Variants in CRMP1 observed in about 807,000 individuals in gnomAD.
The protein encoded by CRMP1 is collapsin response mediator protein 1, also known as dihydropyrimidinase-related protein 1.
CRMP1 carries 19 observed loss-of-function variants against 68.3 expected under a neutral mutation model. The ratio of observed to expected loss-of-function variants is 0.28; its 90% CI spans 0.19 to 0.41. The LOEUF is 0.41. CRMP1 is among the 10% of genes least tolerant of loss of function. The pLI, the probability that CRMP1 is intolerant of heterozygous loss-of-function variation, is 1.00. For synonymous variants in CRMP1, 439 were observed against 399.6 expected (o/e 1.10, Z -1.18); for missense variants, 791 against 967.4 (o/e 0.82, Z 2.42).
At position 5,836,078 on chromosome 4, in the gene CRMP1, C is replaced by A; in HGVS notation, c.1460G>T (p.Gly487Val). 6.6e-7 allele frequency: 1 copy of A among 1,517,262 alleles called. No individual in the cohort carries two copies. Among genetic ancestry groups the A allele is most frequent in the South Asian group, 1.4e-5 (1 of 72,090 alleles). The allele number at this position is 1,517,262 out of a possible 1,614,324, so 94.0% of individuals were successfully genotyped here. Residue 487 changes from glycine to valine, a missense_variant, in exon 11 of 14, where the codon GGC becomes GTC. Around this residue, in one of 3 missense-constraint regions of CRMP1, gnomAD observed 594 missense variants for 763.6 expected, o/e 0.78. Coordinates refer to ENST00000324989, the MANE Select transcript of CRMP1 (RefSeq NM_001014809.3). ...GACAAACTGGTTCTCATCCATTTTGCCAGTAGCCTACAGGCAAGACCCACA... is the reference window on the plus strand; with the variant it reads ...GACAAACTGGTTCTCATCCATTTTGACAGTAGCCTACAGGCAAGACCCACA... Reference protein sequence around the residue: ...TVVWDKAVATGKMDENQFVAV... With the variant: ...TVVWDKAVATVKMDENQFVAV...
chr4:5,867,769 T>C (rs1488309208), intron 1 of CRMP1, among the ~76,000 whole-genome samples: 1 of 152,146 alleles, frequency 6.6e-6, no homozygotes, highest in Non-Finnish European at 1.5e-5. Context: ...CTGCCAACCT[T>C]ATCTGGGGCA....
At position 5,854,657 on chromosome 4, in the gene CRMP1, T is replaced by C. The variant is rs975898052; in HGVS notation, c.820+1486A>G. The stretch of plus-strand genomic sequence containing the variant: ...GGAAAAATGTATGCAAAATGTTGAA[T>C]GTAATCAGTAAAGAACTGCCATGAA... On this transcript the variant is annotated intron_variant, in intron 4 of 13. Transcript: ENST00000324989. The surrounding 1 kb of genome is among the most constrained non-coding windows in gnomAD (Gnocchi z 4.0). Among the ~76,000 whole-genome samples the C allele has an allele frequency of 3.9e-5, 6 of 152,158 alleles. No individual in the cohort carries two copies. The highest frequency in any genetic ancestry group is 1.4e-4 in the African/African-American group (6 of 41,420).
Position 5,833,893 on chromosome 4 carries a change from A to G in CRMP1, c.1623+2022T>C, listed in dbSNP as rs372875219. Among the ~76,000 whole-genome samples, 10 of 152,222 alleles carry G rather than the reference A, an allele frequency of 6.6e-5. No individual in the cohort carries two copies. The East Asian group carries it at 1.4e-3, about 21-fold the overall frequency. ...CCTGTCTCTACTAAAAATACAAAAC[A>G]AAATTAGCCGGGCGTGGTGGCAGGC... On this transcript the variant is annotated intron_variant, in intron 11 of 13. Transcript: ENST00000324989.
In CRMP1 at chr4:5,825,534, TG is replaced by T; in HGVS notation, c.1928del (p.Pro643HisfsTer18). On this transcript the variant is annotated frameshift_variant, in exon 13 of 14. Transcript: ENST00000324989. LOFTEE classifies it high-confidence loss of function. This position sits in a 1 kb window ranked among gnomAD's most constrained non-coding sequence, Gnocchi z 4.4. ...AKSSPSKHQP[P>X]PIRNLHQSNF... ...TGGACTGGTGGAGGTTTCTGATGGG[TG>T]GGGGCTGGTGTTTAGAAGGCGAAGA... is the stretch of plus-strand genomic sequence containing the variant. The T allele has an allele frequency of 6.3e-7, 1 of 1,586,940 alleles. No homozygotes were observed. Among genetic ancestry groups the T allele is most frequent in the Non-Finnish European group, 8.5e-7 (1 of 1,170,730 alleles).
At position 5,821,943 on chromosome 4, in the gene CRMP1, C is replaced by CCTTAGCAGAAG; in HGVS notation, c.1970-93_1970-92insCTTCTGCTAAG. ...GCCATGTACTCTGCCATGCACTCCA[C>CCTTAGCAGAAG]TGGACCCACCTTCATTCAGGGCTCA... On this transcript the variant is annotated intron_variant, in intron 13 of 13. Coordinates refer to ENST00000324989, the MANE Select transcript of CRMP1 (RefSeq NM_001014809.3). This position sits in a 1 kb window ranked among gnomAD's most constrained non-coding sequence, Gnocchi z 4.4. 1.6e-4 allele frequency: 182 copies of CCTTAGCAGAAG among 1,141,442 alleles called. No individual in the cohort carries two copies. The highest frequency in any genetic ancestry group is 2.0e-4 in the Middle Eastern group (1 of 5,044). The allele number at this position is 1,141,442 out of a possible 1,614,324, so 70.7% of individuals were successfully genotyped here.
Position 5,881,476 on chromosome 4 carries a change from T to A in CRMP1, c.381+11113A>T, listed in dbSNP as rs182039724. Among the ~76,000 whole-genome samples the A allele has an allele frequency of 6.6e-6, 1 of 152,330 alleles. No homozygotes were observed. Among genetic ancestry groups the A allele is most frequent in the East Asian group, 1.9e-4 (1 of 5,176 alleles). ...TGCAACCATCACCATGCCCTCCCAC[T>A]GCAGTGTGACTGTAGCTGTCTTACA... On this transcript the variant is annotated intron_variant, in intron 1 of 13. Coordinates refer to ENST00000324989, the MANE Select transcript of CRMP1 (RefSeq NM_001014809.3). This position sits in a 1 kb window ranked among gnomAD's most constrained non-coding sequence, Gnocchi z 4.6.
At chr4:5,840,121 A>C (rs915867189) in intron 8 of CRMP1, among the ~76,000 whole-genome samples, 1 of 152,160 alleles carries the variant, frequency 6.6e-6, no homozygotes, top group Non-Finnish European at 1.5e-5. Context: ...AAGTGACATA[A>C]GGCAGGGAAA....
intron 9 of CRMP1, among the ~76,000 whole-genome samples, chr4:5,837,808 G>A (rs924625112): frequency 6.6e-6 from 1 of 152,122 alleles, no homozygotes; most frequent in African/African-American, 2.4e-5. Context: ...ATGCAGAGGA[G>A]TATATTTAGA....
chr4:5,888,411 G>A lies in CRMP1; in HGVS notation c.381+4178C>T. The A allele has an allele frequency of 8.2e-7, 1 of 1,218,142 alleles. No homozygotes were observed. Among genetic ancestry groups the A allele is most frequent in the African/African-American group, 1.6e-5 (1 of 63,866 alleles). 75.5% of individuals were successfully genotyped at this position (1,218,142 alleles called of 1,614,324 possible). ...GGACGGAGGCTCGGCGCCCGTGGATGCCCACGCGCGGCTGCCCCGGCTGCT... is the reference window on the plus strand; with the variant it reads ...GGACGGAGGCTCGGCGCCCGTGGATACCCACGCGCGGCTGCCCCGGCTGCT... On this transcript the variant is annotated intron_variant, in intron 1 of 13. Coordinates refer to ENST00000324989, the MANE Select transcript of CRMP1 (RefSeq NM_001014809.3). The surrounding 1 kb of genome is among the most constrained non-coding windows in gnomAD (Gnocchi z 6.4).
intron 1 of CRMP1, among the ~76,000 whole-genome samples, chr4:5,876,616 T>G (rs972740038): frequency 6.6e-6 from 1 of 152,192 alleles, no homozygotes; most frequent in Non-Finnish European, 1.5e-5. Flanking sequence ...CTGCTTTCTT[T>G]TAGAACAAAG....
In CRMP1 at chr4:5,839,588, A is replaced by G. The variant is rs777612271; in HGVS notation, c.1244T>C (p.Phe415Ser). ...CGGGCTCAGGGGAGGGGAAGTCACG[A>G]ACGCCGCAGCCTTGGCCCAGTTCTT... ...WSKNWAKAAA[F>S]VTSPPLSPDP... Residue 415 changes from phenylalanine to serine, a missense_variant, in exon 9 of 14, where the codon TTC (phenylalanine) becomes TCC (serine). Coordinates refer to ENST00000324989, the MANE Select transcript of CRMP1 (RefSeq NM_001014809.3). The G allele has an allele frequency of 6.2e-7, 1 of 1,612,804 alleles. No homozygotes were observed. Among genetic ancestry groups the G allele is most frequent in the Non-Finnish European group, 8.5e-7 (1 of 1,179,444 alleles).
Position 5,893,048 on chromosome 4 carries a change from C to G in CRMP1, c.-79G>C. The G allele has an allele frequency of 1.0e-6, 1 of 958,366 alleles. No individual in the cohort carries two copies. The allele number at this position is 958,366 out of a possible 1,614,324, so 59.4% of individuals were successfully genotyped here. A position where few individuals can be genotyped will look rare whatever the true frequency, so the allele number is the denominator to read the frequency against. ...GGGCACCGCCGTGCGCCGCGCTCCG[C>G]GCCTCGGTGCGGGCCTGCGGCGGCC... On this transcript the variant is annotated 5_prime_UTR_variant, in exon 1 of 14. Coordinates refer to ENST00000324989, the MANE Select transcript of CRMP1 (RefSeq NM_001014809.3).
In CRMP1 at chr4:5,854,995, AAAAAG is replaced by A. The variant is rs1712941676; in HGVS notation, c.820+1143_820+1147del. Among the ~76,000 whole-genome samples the A allele has an allele frequency of 6.6e-6, 1 of 152,272 alleles. No homozygotes were observed. The highest frequency in any genetic ancestry group is 1.5e-5 in the Non-Finnish European group (1 of 68,048). On this transcript the variant is annotated intron_variant, in intron 4 of 13. Transcript: ENST00000324989. This position sits in a 1 kb window ranked among gnomAD's most constrained non-coding sequence, Gnocchi z 4.0. ...CGAATAGAAAGCATAAATGCCCAAT[AAAAAG>A]AAAATAGCTAAGCAAATTAACCATT... is the stretch of plus-strand genomic sequence containing the variant.
At position 5,888,216 on chromosome 4, in the gene CRMP1, G is replaced by A. The variant is rs1421372659; in HGVS notation, c.381+4373C>T. 1.1e-5 allele frequency: 14 copies of A among 1,265,714 alleles called. No homozygotes were observed. Among genetic ancestry groups the A allele is most frequent in the Non-Finnish European group, 1.4e-5 (14 of 1,000,842 alleles). The allele number at this position is 1,265,714 out of a possible 1,614,324, so 78.4% of individuals were successfully genotyped here. On this transcript the variant is annotated intron_variant, in intron 1 of 13. Transcript: ENST00000324989. This position sits in a 1 kb window ranked among gnomAD's most constrained non-coding sequence, Gnocchi z 6.4. The stretch of plus-strand genomic sequence containing the variant: ...AGGCCAGCGCGGGGCGGCGGGGGCG[G>A]GGGCCGCTTACCGTGATGTGCGGGA...
intron 1 of CRMP1, among the ~76,000 whole-genome samples, chr4:5,869,420 T>C (rs569165862): frequency 1.1e-4 from 16 of 152,034 alleles, no homozygotes; most frequent in African/African-American, 3.4e-4. Flanking sequence ...TGGTGGCTTA[T>C]GCCTGTAATC....
intron 1 of CRMP1, among the ~76,000 whole-genome samples, chr4:5,886,829 A>G (rs1201902838): frequency 2.0e-5 from 3 of 152,176 alleles, no homozygotes; most frequent in Admixed American, 6.5e-5. Flanking sequence ...TATGTGTTCT[A>G]GTGATTCTTG....
rs1283944559 is a variant in CRMP1 at position 5,889,181 on chromosome 4, C to T, written c.381+3408G>A. Among the ~76,000 whole-genome samples the T allele has an allele frequency of 6.6e-6, 1 of 152,160 alleles. No individual in the cohort carries two copies. The highest frequency in any genetic ancestry group is 1.9e-4 in the East Asian group (1 of 5,180). On this transcript the variant is annotated intron_variant, in intron 1 of 13. Coordinates refer to ENST00000324989, the MANE Select transcript of CRMP1 (RefSeq NM_001014809.3). The surrounding 1 kb of genome is among the most constrained non-coding windows in gnomAD (Gnocchi z 4.5). Reference sequence around the variant, plus strand: ...CCTGGGGGCCTCTAAGGTGGAGCCCCCTAACTGGCAGAGGGAACAGCAGGG... The same window carrying T: ...CCTGGGGGCCTCTAAGGTGGAGCCCTCTAACTGGCAGAGGGAACAGCAGGG...
chr4:5,872,291 A>AT lies in CRMP1; in HGVS notation c.382-5536dup, dbSNP rs1222046681. 6.6e-6 allele frequency among the ~76,000 whole-genome samples: 1 copy of AT among 151,862 alleles called. No individual in the cohort carries two copies. The highest frequency in any genetic ancestry group is 2.4e-5 in the African/African-American group (1 of 41,280). On this transcript the variant is annotated intron_variant, in intron 1 of 13. Coordinates refer to ENST00000324989, the MANE Select transcript of CRMP1 (RefSeq NM_001014809.3). The surrounding 1 kb of genome is among the most constrained non-coding windows in gnomAD (Gnocchi z 4.6). ...TTAATAACACCAAATTCACATATTT[A>AT]TAAAAAAAAATAATACCGGTGCCGT...
At position 5,888,445 on chromosome 4, in the gene CRMP1, C is replaced by A. The variant is rs1454539662; in HGVS notation, c.381+4144G>T. Reference sequence around the variant, plus strand: ...CGGCTGCCCCGGCTGCTCGGCCCGCCCGCCGCCGCTCCGGCTGCCAGCACC... The same window carrying A: ...CGGCTGCCCCGGCTGCTCGGCCCGCACGCCGCCGCTCCGGCTGCCAGCACC... On this transcript the variant is annotated intron_variant, in intron 1 of 13. Transcript: ENST00000324989. The surrounding 1 kb of genome is among the most constrained non-coding windows in gnomAD (Gnocchi z 6.4). 4.9e-6 allele frequency: 6 copies of A among 1,214,656 alleles called. No homozygotes were observed. In the East Asian group the frequency reaches 1.7e-4, roughly 33 times the overall value. 75.2% of individuals were successfully genotyped at this position (1,214,656 alleles called of 1,614,324 possible).
Sources: gnomAD v4.1 joint callset for allele counts (sites outside exome capture counted in the v4.1 genomes callset) on GRCh38, gnomAD v4.1.1 for gene constraint, gnomAD v4.1.1 regional missense constraint, Gnocchi (gnomAD v3.1) non-coding constraint, MANE v1.5 for transcripts, NCBI Gene and HGNC (gene_info 2026-07-23, HGNC 2026-07-21) for gene names.